Variants in TAOK3 observed in about 807,000 individuals in gnomAD.
The protein encoded by TAOK3 is serine/threonine-protein kinase TAO3.
TAOK3 carries 40 observed loss-of-function variants against 120.4 expected under a neutral mutation model. That is an observed-to-expected ratio of 0.33 (90% CI 0.26 to 0.43). TAOK3 has a LOEUF of 0.43. Ranked by LOEUF, TAOK3 falls within the 20% of genes least tolerant of loss-of-function variation. The probability of loss-of-function intolerance (pLI) is 1.00; values close to 1 mark genes in which losing one functional copy is unlikely to be tolerated. For synonymous variants in TAOK3, 355 were observed against 387.5 expected, an observed-to-expected ratio of 0.92 and a Z score of 0.99; for missense variants, 821 against 1,112.1, an observed-to-expected ratio of 0.74 and a Z score of 3.72.
At chr12:118,364,013 C>T (rs931051521) in intron 1 of TAOK3, among the ~76,000 whole-genome samples, 1 of 151,930 alleles carries the variant, frequency 6.6e-6, no homozygotes, top group African/African-American at 2.4e-5. Context: ...CCCAGTTACG[C>T]CTATAATCCC....
At chr12:118,172,388 A>C (rs2036049514) in intron 17 of TAOK3, 69 bp downstream of exon 17, 1 of 1,517,828 alleles carries the variant, frequency 6.6e-7, no homozygotes, top group African/African-American at 1.4e-5. Flanking sequence ...CCAGGCAGAC[A>C]TGGTCACAAG....
intron 2 of TAOK3, among the ~76,000 whole-genome samples, chr12:118,263,003 C>T (rs1442286489): frequency 1.3e-5 from 2 of 152,044 alleles, no homozygotes; most frequent in Non-Finnish European, 2.9e-5. Flanking sequence ...ATCTAAAATT[C>T]ATATGAGAAT....
intron 1 of TAOK3, among the ~76,000 whole-genome samples, chr12:118,311,891 C>T (rs1323496248): frequency 1.3e-5 from 2 of 152,056 alleles, no homozygotes; most frequent in African/African-American, 4.8e-5. Flanking sequence ...GGGAATAAAA[C>T]ATGATTTGGC....
rs1473396135 is a variant in TAOK3, at chr12:118,181,581, C to T, written c.1356G>A (p.Glu452=). ...SLVTRQIHEH[E]QENELREQMS... is the part of the protein sequence containing the mutation. ...TCTGTTCCCGCAACTCGTTCTCCTG[C>T]TCATGCTCATGGATCTGTCGTGTAA... The change falls in exon 15 of 21, where the codon GAG becomes GAA. Residue 452 remains glutamate, a synonymous_variant. Transcript: ENST00000392533. The T allele has an allele frequency of 6.2e-7, 1 of 1,614,188 alleles. No homozygotes were observed. Among genetic ancestry groups the T allele is most frequent in the South Asian group, 1.1e-5 (1 of 91,086 alleles).
chr12:118,276,599 G>A (rs1226438697), intron 1 of TAOK3, among the ~76,000 whole-genome samples: 1 of 152,228 alleles, frequency 6.6e-6, no homozygotes, highest in East Asian at 1.9e-4. Context: ...CTACTCTGGA[G>A]GCTGAGGCAG....
intron 9 of TAOK3, among the ~76,000 whole-genome samples, chr12:118,223,359 AT>A (rs1378197640): frequency 7.9e-6 from 1 of 126,140 alleles, no homozygotes; most frequent in Non-Finnish European, 1.7e-5. Context: ...ACGCCTGGCC[AT>A]TTTTGAGGCA....
Position 118,371,981 on chromosome 12 carries a change from C to A in TAOK3, c.-194+667G>T, listed in dbSNP as rs1309298800. Among the ~76,000 whole-genome samples, 1 of 151,074 alleles carries A rather than the reference C, an allele frequency of 6.6e-6. No individual in the cohort carries two copies. The highest frequency in any genetic ancestry group is 1.5e-5 in the Non-Finnish European group (1 of 67,642). ...TCTCTAGGTGTCCTGCTCTCAGCCCCGCTGTCTCAGCCCAGCCCCCTTCCG... is the reference window on the plus strand; with the variant it reads ...TCTCTAGGTGTCCTGCTCTCAGCCCAGCTGTCTCAGCCCAGCCCCCTTCCG... On this transcript the variant is annotated intron_variant, in intron 1 of 20. Transcript: ENST00000392533. This position sits in a 1 kb window ranked among gnomAD's most constrained non-coding sequence, Gnocchi z 5.5.
chr12:118,155,626 T>A (rs1418711540), intron 19 of TAOK3, among the ~76,000 whole-genome samples: 1 of 152,210 alleles, frequency 6.6e-6, no homozygotes, highest in Non-Finnish European at 1.5e-5. Flanking sequence ...CAGTAAAGGA[T>A]GCTGTAATGA....
intron 3 of TAOK3, among the ~76,000 whole-genome samples, chr12:118,253,764 A>C (rs2040860385): frequency 6.9e-6 from 1 of 144,840 alleles, no homozygotes; most frequent in African/African-American, 2.6e-5. Context: ...ACAAAAAAAA[A>C]AAAACAGGGC....
chr12:118,252,897 T>C (rs2040818354), intron 3 of TAOK3, among the ~76,000 whole-genome samples: 1 of 152,064 alleles, frequency 6.6e-6, no homozygotes, highest in African/African-American at 2.4e-5. Flanking sequence ...GGCTAAGTTT[T>C]TCTATTTTTC....
rs1004759166 is a variant in TAOK3 at position 118,330,165 on chromosome 12, G to A, written c.-194+42483C>T. On this transcript the variant is annotated intron_variant, in intron 1 of 20. Coordinates refer to ENST00000392533, the MANE Select transcript of TAOK3 (RefSeq NM_016281.4). ...TATTTATATCTAGAGATGTGAGGAT[G>A]AGAAACAAAATAGAACCCTCACTAT... Among the ~76,000 whole-genome samples, 3 of 152,110 alleles carry A rather than the reference G, an allele frequency of 2.0e-5. No homozygotes were observed. In the East Asian group the frequency reaches 5.8e-4, roughly 29 times the overall value.
intron 19 of TAOK3, among the ~76,000 whole-genome samples, chr12:118,158,398 G>A (rs74955837): frequency 0.013 from 1,959 of 152,166 alleles, 41 homozygotes; most frequent in African/African-American, 0.044. Context: ...TCCATTATCT[G>A]TACCTCTCTA....
At chr12:118,234,434 C>T (rs368893839) in intron 8 of TAOK3, among the ~76,000 whole-genome samples, 81 of 151,582 alleles carry the variant, frequency 5.3e-4, no homozygotes, top group African/African-American at 1.5e-3. Context: ...TTAGTAGAGA[C>T]GCGGTTTCAC....
intron 1 of TAOK3, among the ~76,000 whole-genome samples, chr12:118,284,292 C>T (rs1356478031): frequency 6.6e-6 from 1 of 151,952 alleles, no homozygotes; most frequent in Non-Finnish European, 1.5e-5. Flanking sequence ...TTATGGCTAC[C>T]AAACAACAAA....
chr12:118,228,666 A>C (rs1292381866), intron 9 of TAOK3, among the ~76,000 whole-genome samples: 1 of 152,212 alleles, frequency 6.6e-6, no homozygotes, highest in Non-Finnish European at 1.5e-5. Context: ...ATAAGAATTT[A>C]GGCTAGTTCT....
chr12:118,283,805 G>T (rs2042175297), intron 1 of TAOK3: 3 of 178,194 alleles, frequency 1.7e-5, no homozygotes, highest in South Asian at 2.1e-4. Flanking sequence ...GGGCACAAAG[G>T]ATTGGAGGTT....
chr12:118,155,414 G>A (rs546832706), intron 19 of TAOK3, among the ~76,000 whole-genome samples: 19 of 152,332 alleles, frequency 1.2e-4, no homozygotes, highest in African/African-American at 4.3e-4. Flanking sequence ...GGTCCACAAA[G>A]CTAATTACTA....
intron 17 of TAOK3, among the ~76,000 whole-genome samples, chr12:118,167,435 G>A (rs1447183260): frequency 1.3e-5 from 2 of 151,866 alleles, no homozygotes; most frequent in African/African-American, 4.8e-5. Flanking sequence ...GTACAACAAT[G>A]TTCTTATATT....
chr12:118,162,348 T>C lies in TAOK3; in HGVS notation c.1900-321A>G, dbSNP rs148533205. On this transcript the variant is annotated intron_variant, in intron 17 of 20. Transcript: ENST00000392533. ...CCTTAGTTAGGTGATGTGCTATGCA[T>C]AGGTCTACATAAATGTTTCTTCAGT... is the stretch of plus-strand genomic sequence containing the variant. 1.3e-3 allele frequency among the ~76,000 whole-genome samples: 198 copies of C among 152,300 alleles called. 1 individual carries two copies. The highest frequency in any genetic ancestry group is 4.5e-3 in the African/African-American group (187 of 41,560).
Sources: allele counts gnomAD v4.1 joint callset (sites outside exome capture counted in the v4.1 genomes callset), GRCh38; gene constraint gnomAD v4.1.1; non-coding constraint Gnocchi (gnomAD v3.1); transcripts MANE v1.5; gene names NCBI Gene and HGNC (gene_info 2026-07-23, HGNC 2026-07-21).